Variants in WLS observed in about 807,000 individuals in gnomAD.
WLS encodes protein wntless homolog.
Under a neutral mutation model 62.8 loss-of-function variants are expected in WLS, and 23 were observed. The ratio of observed to expected loss-of-function variants is 0.37; its 90% CI spans 0.26 to 0.52. The LOEUF (loss-of-function observed/expected upper bound fraction) is 0.52. Ranked by LOEUF, WLS falls within the 20% of genes least tolerant of loss-of-function variation. The pLI, the probability that WLS is intolerant of heterozygous loss-of-function variation, is 0.92. For synonymous variants in WLS, 246 were observed against 244.1 expected (o/e 1.01, Z -0.07); for missense variants, 615 against 697.3 (o/e 0.88, Z 1.33).
At chr1:68,191,223 T>A (rs1281084405) in intron 2 of WLS, among the ~76,000 whole-genome samples, 1 of 152,134 alleles carries the variant, frequency 6.6e-6, no homozygotes, top group Non-Finnish European at 1.5e-5. Context: ...CTAGGAGAGA[T>A]TATACCTGAA....
At chr1:68,226,305 C>T (rs773955933) in intron 1 of WLS, among the ~76,000 whole-genome samples, 35 of 152,150 alleles carry the variant, frequency 2.3e-4, no homozygotes, top group Non-Finnish European at 4.1e-4. Flanking sequence ...CAGCTTTGAC[C>T]ACGAGTAGCT....
intron 11 of WLS, among the ~76,000 whole-genome samples, chr1:68,135,801 T>C (rs1020242256): frequency 1.3e-5 from 2 of 152,178 alleles, no homozygotes; most frequent in Non-Finnish European, 2.9e-5. Context: ...CAGCAGTGCT[T>C]GCTGCTCGTG....
intron 2 of WLS, among the ~76,000 whole-genome samples, chr1:68,174,279 GT>G (rs1647197851): frequency 6.6e-6 from 1 of 152,184 alleles, no homozygotes; most frequent in African/African-American, 2.4e-5. Context: ...CAACAGCTGT[GT>G]TATTGCTGGA....
intron 11 of WLS, among the ~76,000 whole-genome samples, chr1:68,129,764 T>C (rs1355196657): frequency 6.6e-6 from 1 of 152,198 alleles, no homozygotes; most frequent in Non-Finnish European, 1.5e-5. Context: ...CCCCCTCTCT[T>C]GGCTCCTGCT....
At position 68,165,547 on chromosome 1, in the gene WLS, T is replaced by C. The variant is rs376344262; in HGVS notation, c.380-6300A>G. Among the ~76,000 whole-genome samples the C allele has an allele frequency of 1.6e-4, 24 of 152,296 alleles. 1 individual carries two copies. The East Asian group carries it at 4.0e-3, about 26-fold the overall frequency. On this transcript the variant is annotated intron_variant, in intron 2 of 11. Transcript: ENST00000262348. ...GAACTAGACAACCACCTGTATACTC[T>C]TGGATGTTCGGTGGGGGTGGGAGTG...
chr1:68,129,151 C>G (rs1646480081), intron 11 of WLS, among the ~76,000 whole-genome samples: 1 of 152,112 alleles, frequency 6.6e-6, no homozygotes, highest in African/African-American at 2.4e-5. Flanking sequence ...TGGCAAAACC[C>G]TGTCTCTACT....
intron 1 of WLS, among the ~76,000 whole-genome samples, chr1:68,228,006 T>G (rs1035914241): frequency 6.6e-6 from 1 of 152,208 alleles, no homozygotes; most frequent in African/African-American, 2.4e-5. Context: ...TAAACAATAC[T>G]AGCACAATCG....
At chr1:68,104,307 T>C (rs924965846) in intron 11 of WLS, among the ~76,000 whole-genome samples, 1 of 152,186 alleles carries the variant, frequency 6.6e-6, no homozygotes, top group Admixed American at 6.5e-5. Context: ...TCGGTGGAGA[T>C]GACTCAGTAT....
intron 2 of WLS, among the ~76,000 whole-genome samples, chr1:68,163,368 G>A (rs1318267183): frequency 1.3e-5 from 2 of 152,170 alleles, no homozygotes; most frequent in South Asian, 2.1e-4. Flanking sequence ...TGGAGGCCGC[G>A]GTGGCGGTGG....
At chr1:68,134,367 G>A (rs1261632340) in intron 11 of WLS, among the ~76,000 whole-genome samples, 1 of 152,180 alleles carries the variant, frequency 6.6e-6, no homozygotes, top group African/African-American at 2.4e-5. Flanking sequence ...TGCAGGAAAG[G>A]GAAGGGCCCA....
chr1:68,110,688 T>TCTCTCTCC (rs1390457595), intron 11 of WLS, among the ~76,000 whole-genome samples: 1 of 149,974 alleles, frequency 6.7e-6, no homozygotes, highest in East Asian at 1.9e-4. Context: ...TCTCTCTCTC[T>TCTCTCTCC]CTCCATATAT....
chr1:68,214,836 T>A (rs985279711), intron 1 of WLS, among the ~76,000 whole-genome samples: 2 of 152,200 alleles, frequency 1.3e-5, no homozygotes, highest in African/African-American at 4.8e-5. Flanking sequence ...TGTCAACAGA[T>A]CTCACTTCTC....
intron 10 of WLS, among the ~76,000 whole-genome samples, chr1:68,140,603 TC>T (rs1277375656): frequency 2.0e-5 from 3 of 152,192 alleles, no homozygotes; most frequent in African/African-American, 7.2e-5. Context: ...AGACTCATGC[TC>T]CCGTCTCGTA....
At chr1:68,162,414 G>A (rs1276490476) in intron 2 of WLS, 36 of 1,613,058 alleles carry the variant, frequency 2.2e-5, no homozygotes, top group Admixed American at 3.3e-5. Context: ...ACAGAGTGTA[G>A]ACCCTCTGCA....
At position 68,125,609 on chromosome 1, in the gene WLS, T is replaced by C; in HGVS notation, c.*617A>G. 1 of 985,544 alleles carries C rather than the reference T, an allele frequency of 1.0e-6. No individual in the cohort carries two copies. The highest frequency in any genetic ancestry group is 1.2e-6 in the Non-Finnish European group (1 of 829,992). 61.0% of individuals were successfully genotyped at this position (985,544 alleles called of 1,614,324 possible). On this transcript the variant is annotated 3_prime_UTR_variant, in exon 12 of 12. Coordinates refer to ENST00000262348, the MANE Select transcript of WLS (RefSeq NM_024911.7). ...ATTGGTTAGTATTAGATACACAGAT[T>C]TGGTTTCAAAGCTGAAATACCCCTG... is the stretch of plus-strand genomic sequence containing the variant.
At chr1:68,155,319 A>G in intron 3 of WLS, 59 bp from the exon 4 acceptor site, 6 of 1,551,162 alleles carry the variant, frequency 3.9e-6, no homozygotes, top group Non-Finnish European at 5.2e-6. Context: ...CTGGCTCTGA[A>G]TTCTGTTACC....
Position 68,139,282 on chromosome 1 carries a change from C to G in WLS, c.1363-1349G>C, listed in dbSNP as rs187822579. Among the ~76,000 whole-genome samples, 30 of 152,052 alleles carry G rather than the reference C, an allele frequency of 2.0e-4. 1 individual carries two copies. The highest frequency in any genetic ancestry group is 9.2e-4 in the Admixed American group (14 of 15,268). ...CATTACTAATTTTAGGACAATGTAC[C>G]AGCATTCAAGCTACTTAGGACTTCT... On this transcript the variant is annotated intron_variant, in intron 10 of 11. Coordinates refer to ENST00000262348, the MANE Select transcript of WLS (RefSeq NM_024911.7).
intron 11 of WLS, among the ~76,000 whole-genome samples, chr1:68,131,567 G>A (rs1308340502): frequency 6.6e-6 from 1 of 152,038 alleles, no homozygotes; most frequent in Non-Finnish European, 1.5e-5. Flanking sequence ...CATTGCCCAT[G>A]GACCTCCAAA....
intron 5 of WLS, among the ~76,000 whole-genome samples, chr1:68,152,300 T>G (rs1391935453): frequency 6.6e-6 from 1 of 152,132 alleles, no homozygotes; most frequent in Non-Finnish European, 1.5e-5. Context: ...CATCAGAGAA[T>G]AGATGATTTT....
Sources: allele counts gnomAD v4.1 joint callset (sites outside exome capture counted in the v4.1 genomes callset), GRCh38; gene constraint gnomAD v4.1.1; transcripts MANE v1.5; gene names NCBI Gene and HGNC (gene_info 2026-07-23, HGNC 2026-07-21).